Variants in MORN5 observed in about 807,000 individuals in gnomAD.
MORN5 encodes the protein MORN repeat containing 5.
In MORN5, 21 loss-of-function variants were observed where a neutral mutation model predicts 22.1. The ratio of observed to expected loss-of-function variants is 0.95; its 90% CI spans 0.67 to 1.37. The LOEUF is 1.37. MORN5 is among the 40% of genes most tolerant of loss of function. The pLI, the probability that MORN5 is intolerant of heterozygous loss-of-function variation, is 0.00. For synonymous variants in MORN5, 73 were observed against 74.0 expected, an observed-to-expected ratio of 0.99 and a Z score of 0.07; for missense variants, 211 against 215.1, an observed-to-expected ratio of 0.98 and a Z score of 0.12.
chr9:122,171,441 G>C (rs1046922846), intron 3 of MORN5, among the ~76,000 whole-genome samples: 1 of 151,724 alleles, frequency 6.6e-6, no homozygotes, highest in Non-Finnish European at 1.5e-5. Flanking sequence ...AGTTATTCAC[G>C]TTGAGGTTCC....
At chr9:122,188,619 C>A (rs1394555099) in intron 4 of MORN5, among the ~76,000 whole-genome samples, 3 of 152,228 alleles carry the variant, frequency 2.0e-5, no homozygotes, top group Admixed American at 6.5e-5. Context: ...AACAGAGTGA[C>A]CTTGGCCATG....
At chr9:122,198,234 C>T (rs570690878) in intron 4 of MORN5, among the ~76,000 whole-genome samples, 1 of 152,350 alleles carries the variant, frequency 6.6e-6, no homozygotes, top group Admixed American at 6.5e-5. Flanking sequence ...ATCTCTCTGC[C>T]CCTGGGTCTG....
intron 4 of MORN5, among the ~76,000 whole-genome samples, chr9:122,196,561 G>C (rs1053128465): frequency 6.6e-6 from 1 of 152,082 alleles, no homozygotes; most frequent in Non-Finnish European, 1.5e-5. Flanking sequence ...TTGATCTCTT[G>C]ACCTCGTGAT....
intron 4 of MORN5, among the ~76,000 whole-genome samples, chr9:122,198,258 A>G (rs1241100045): frequency 6.6e-6 from 1 of 152,204 alleles, no homozygotes; most frequent in Non-Finnish European, 1.5e-5. Context: ...CCTTTCACAC[A>G]AAAGGAAGGC....
At chr9:122,193,033 C>T (rs921347975) in intron 4 of MORN5, among the ~76,000 whole-genome samples, 1 of 152,148 alleles carries the variant, frequency 6.6e-6, no homozygotes, top group African/African-American at 2.4e-5. Flanking sequence ...GTGACTACAA[C>T]GAACACTGTG....
intron 1 of MORN5, among the ~76,000 whole-genome samples, chr9:122,165,253 A>G (rs1447789577): frequency 6.6e-6 from 1 of 151,960 alleles, no homozygotes; most frequent in Admixed American, 6.6e-5. Context: ...AATTGCAGCC[A>G]TTTCACCCAT....
intron 4 of MORN5, among the ~76,000 whole-genome samples, chr9:122,198,587 G>A (rs1307405284): frequency 6.6e-6 from 1 of 152,140 alleles, no homozygotes. Flanking sequence ...AGCATGGGCA[G>A]CTGGAAGGAC....
chr9:122,177,970 G>A (rs1424809833), intron 4 of MORN5, among the ~76,000 whole-genome samples: 1 of 152,150 alleles, frequency 6.6e-6, no homozygotes, highest in East Asian at 1.9e-4. Flanking sequence ...TGGCAGTTCT[G>A]CCTGAAGAGT....
At chr9:122,174,466 T>C (rs1377057843) in intron 3 of MORN5, 30 bp from the exon 4 acceptor site, 2 of 1,610,424 alleles carry the variant, frequency 1.2e-6, no homozygotes, top group South Asian at 2.2e-5. Flanking sequence ...GCCTTCATGG[T>C]GAACTAATTG....
intron 4 of MORN5, among the ~76,000 whole-genome samples, chr9:122,182,851 T>A (rs971691983): frequency 1.3e-5 from 2 of 152,262 alleles, no homozygotes; most frequent in Non-Finnish European, 2.9e-5. Context: ...TGAAGACACT[T>A]GGTCTCAGGT....
chr9:122,162,313 A>T (rs919662862), intron 1 of MORN5, among the ~76,000 whole-genome samples: 8 of 152,232 alleles, frequency 5.3e-5, no homozygotes, highest in African/African-American at 1.9e-4. Flanking sequence ...AGTTTAAATG[A>T]ATAGAGTAAC....
chr9:122,191,503 CA>C (rs775673288), intron 4 of MORN5, among the ~76,000 whole-genome samples: 1 of 152,196 alleles, frequency 6.6e-6, no homozygotes, highest in Non-Finnish European at 1.5e-5. Flanking sequence ...GTGTAGCCCC[CA>C]CATACACGCG....
At chr9:122,161,307 G>T (rs1829195166) in intron 1 of MORN5, among the ~76,000 whole-genome samples, 2 of 152,136 alleles carry the variant, frequency 1.3e-5, no homozygotes, top group African/African-American at 4.8e-5. Context: ...AGGGTGGTAG[G>T]AATGCTATGG....
chr9:122,179,955 A>G (rs1490384362), intron 4 of MORN5, among the ~76,000 whole-genome samples: 2 of 152,256 alleles, frequency 1.3e-5, no homozygotes, highest in East Asian at 3.8e-4. Context: ...CAGGGGCCTC[A>G]GCCACTGCTA....
chr9:122,173,724 G>A (rs1829401633), intron 3 of MORN5, among the ~76,000 whole-genome samples: 1 of 152,194 alleles, frequency 6.6e-6, no homozygotes, highest in Non-Finnish European at 1.5e-5. Context: ...CTCTCCCAGA[G>A]GTCTCAGTGT....
At position 122,199,961 on chromosome 9, in the gene MORN5, G is replaced by A. The variant is rs1368844209; in HGVS notation, c.*30G>A. 6.2e-6 allele frequency: 10 copies of A among 1,612,336 alleles called. No individual in the cohort carries two copies. The highest frequency in any genetic ancestry group is 5.5e-5 in the South Asian group (5 of 91,044). On this transcript the variant is annotated 3_prime_UTR_variant, in exon 5 of 5. Transcript: ENST00000373764. ...AGATCGTGGGTCACAGGCCCGAGCCGTGAACTCTGTGGCTGCCTCCACCAG... is the reference window on the plus strand; with the variant it reads ...AGATCGTGGGTCACAGGCCCGAGCCATGAACTCTGTGGCTGCCTCCACCAG...
chr9:122,167,056 C>CTT (rs35889616), intron 2 of MORN5, 141 bp downstream of exon 2: 13,091 of 442,910 alleles, frequency 0.03, 137 homozygotes, highest in African/African-American at 0.048. Flanking sequence ...ACTCCCCCCA[C>CTT]TTTTTTTTTT....
At chr9:122,189,931 G>A (rs556037750) in intron 4 of MORN5, among the ~76,000 whole-genome samples, 8 of 152,240 alleles carry the variant, frequency 5.3e-5, no homozygotes, top group African/African-American at 1.2e-4. Flanking sequence ...AAAATAAGAA[G>A]TCTGGCTGTG....
At chr9:122,190,391 G>C (rs539965515) in intron 4 of MORN5, among the ~76,000 whole-genome samples, 1 of 152,154 alleles carries the variant, frequency 6.6e-6, no homozygotes, top group East Asian at 1.9e-4. Context: ...TTTCCTGAGA[G>C]TCATGCATAC....
Sources: allele counts gnomAD v4.1 joint callset (sites outside exome capture counted in the v4.1 genomes callset), GRCh38; gene constraint gnomAD v4.1.1; transcripts MANE v1.5; gene names NCBI Gene and HGNC (gene_info 2026-07-23, HGNC 2026-07-21).